LATS2: variants seen among roughly 807,000 people sequenced by gnomAD.
The protein encoded by LATS2 is serine/threonine-protein kinase LATS2.
In LATS2, 24 loss-of-function variants were observed where a neutral mutation model predicts 76.0. The observed-to-expected ratio is 0.32, with a 90% CI of 0.23 to 0.44. The LOEUF (loss-of-function observed/expected upper bound fraction) is 0.44, where lower values mean the gene tolerates loss of function less well. Among genes scored for constraint, LATS2 ranks in the 20% least tolerant of loss-of-function variants. The pLI, the probability that LATS2 is intolerant of heterozygous loss-of-function variation, is 1.00. For synonymous variants in LATS2, 692 were observed against 635.4 expected, an observed-to-expected ratio of 1.09 and a Z score of -1.34; for missense variants, 1,286 against 1,481.2, an observed-to-expected ratio of 0.87 and a Z score of 2.16.
In LATS2 at chr13:20,988,377, G is replaced by A; in HGVS notation, c.1403C>T (p.Ala468Val). 7.3e-7 allele frequency: 1 copy of A among 1,365,784 alleles called. No individual in the cohort carries two copies. Among genetic ancestry groups the A allele is most frequent in the Non-Finnish European group, 9.4e-7 (1 of 1,068,318 alleles). The allele number at this position is 1,365,784 out of a possible 1,614,324, so 84.6% of individuals were successfully genotyped here. A position where few individuals can be genotyped will look rare whatever the true frequency, so the allele number is the denominator to read the frequency against. The change falls in exon 4 of 8, where the codon GCG becomes GTG. Residue 468 changes from alanine to valine, a missense_variant. By Grantham distance (64) the Ala-to-Val change is moderately conservative (BLOSUM62 0). Coordinates refer to ENST00000382592, the MANE Select transcript of LATS2 (RefSeq NM_014572.3). ...VGPSHPAWVP[A>V]PAPAPAPAPA... ...GGCGGGGGCGGGGGCCGGGGCAGGC[G>A]CGGGCACCCAGGCGGGGTGCGAGGG...
In LATS2 at chr13:20,988,503, A is replaced by G; in HGVS notation, c.1277T>C (p.Leu426Pro). Residue 426 changes from leucine (L) to proline (P), a missense_variant, in exon 4 of 8, where the codon CTG (leucine) becomes CCG (proline). This residue lies in a region of LATS2 where 710 missense variants were observed against 660.9 expected (regional missense o/e 1.07). Coordinates refer to ENST00000382592, the MANE Select transcript of LATS2 (RefSeq NM_014572.3). ...AGCCGTCACGGTGTTGGGGGCGGGCAGGGAGGGCTCGGCCTTGCCAGGCGG... is the reference window on the plus strand; with the variant it reads ...AGCCGTCACGGTGTTGGGGGCGGGCGGGGAGGGCTCGGCCTTGCCAGGCGG... ...PGPPGKAEPS[L>P]PAPNTVTAVT... The G allele has an allele frequency of 9.7e-7, 1 of 1,033,206 alleles. No individual in the cohort carries two copies. The highest frequency in any genetic ancestry group is 1.4e-6 in the Non-Finnish European group (1 of 717,124). The allele number at this position is 1,033,206 out of a possible 1,614,324, so 64.0% of individuals were successfully genotyped here.
In LATS2 at chr13:20,991,323, G is replaced by A. The variant is rs756133873; in HGVS notation, c.424C>T (p.Leu142=). 1.9e-6 allele frequency: 3 copies of A among 1,614,164 alleles called. No individual in the cohort carries two copies. Among genetic ancestry groups the A allele is most frequent in the Non-Finnish European group, 2.5e-6 (3 of 1,180,030 alleles). The change falls in exon 3 of 8, where the codon CTG becomes TTG. Residue 142 remains leucine (L), a synonymous_variant. Coordinates refer to ENST00000382592, the MANE Select transcript of LATS2 (RefSeq NM_014572.3). This position sits in a 1 kb window ranked among gnomAD's most constrained non-coding sequence, Gnocchi z 4.9. ...ACAATCTGCTCATTCCTCGGGTCCA[G>A]GTAGCCCATCTTGCTGATGTACTCC... ...ALEYISKMGY[L]DPRNEQIVRV... is the part of the protein sequence containing the mutation.
chr13:21,022,031 G>A (rs1019073875), intron 2 of LATS2, among the ~76,000 whole-genome samples: 1 of 152,176 alleles, frequency 6.6e-6, no homozygotes, highest in Non-Finnish European at 1.5e-5. Flanking sequence ...GGCCCTGGGT[G>A]AAATAGAAAG....
At chr13:21,019,315 T>A (rs933482785) in intron 2 of LATS2, among the ~76,000 whole-genome samples, 1 of 146,842 alleles carries the variant, frequency 6.8e-6, no homozygotes, top group Non-Finnish European at 1.5e-5. Context: ...TTATTATTAT[T>A]ATTATTATTA....
intron 2 of LATS2, among the ~76,000 whole-genome samples, chr13:21,009,991 G>A (rs1329478381): frequency 6.6e-6 from 1 of 152,160 alleles, no homozygotes; most frequent in Non-Finnish European, 1.5e-5. Context: ...CCTGAGGTCA[G>A]GTGTTCGAGA....
intron 2 of LATS2, among the ~76,000 whole-genome samples, chr13:21,030,409 G>C (rs1256256131): frequency 6.6e-6 from 1 of 151,854 alleles, no homozygotes; most frequent in Non-Finnish European, 1.5e-5. Flanking sequence ...CCAACACGGT[G>C]AAACCCCGTC....
At chr13:21,059,166 T>G (rs190672516) in intron 1 of LATS2, among the ~76,000 whole-genome samples, 1 of 152,362 alleles carries the variant, frequency 6.6e-6, no homozygotes, top group East Asian at 1.9e-4. Context: ...GGGCAAACTT[T>G]CCTTTAAAAA....
chr13:21,042,024 C>T (rs1235482974), intron 2 of LATS2, among the ~76,000 whole-genome samples: 1 of 152,106 alleles, frequency 6.6e-6, no homozygotes, highest in African/African-American at 2.4e-5. Context: ...TCACTTATGC[C>T]AATAACTATC....
Position 20,987,938 on chromosome 13 carries a change from G to A in LATS2, c.1842C>T (p.Ile614=). The change falls in exon 4 of 8, where the codon ATC becomes ATT. Residue 614 remains isoleucine (I), a synonymous_variant. Coordinates refer to ENST00000382592, the MANE Select transcript of LATS2 (RefSeq NM_014572.3). ...FFMEQHVENV[I]KTYQQKVNRR... The stretch of plus-strand genomic sequence containing the variant: ...GGTTAACCTTCTGCTGGTAGGTTTT[G>A]ATGACATTCTCCACGTGCTGCTCCA... The A allele has an allele frequency of 6.2e-7, 1 of 1,614,234 alleles. No individual in the cohort carries two copies. Among genetic ancestry groups the A allele is most frequent in the Non-Finnish European group, 8.5e-7 (1 of 1,180,030 alleles).
chr13:21,040,376 C>CAAAAAAAAAAAAAAAAAAAAAAAAAA (rs141897751), intron 2 of LATS2, among the ~76,000 whole-genome samples: 1 of 108,768 alleles, frequency 9.2e-6, no homozygotes, highest in African/African-American at 3.6e-5. Flanking sequence ...GACCTTGTCT[C>CAAAAAAAAAAAAAAAAAAAAAAAAAA]AAAAAAAAAA....
At chr13:21,016,295 T>C (rs1424517489) in intron 2 of LATS2, among the ~76,000 whole-genome samples, 1 of 149,812 alleles carries the variant, frequency 6.7e-6, no homozygotes, top group Admixed American at 6.7e-5. Context: ...CCTATTTTTA[T>C]TTTTTTTGAG....
intron 2 of LATS2, among the ~76,000 whole-genome samples, chr13:21,037,312 G>A (rs1872713792): frequency 6.6e-6 from 1 of 152,182 alleles, no homozygotes; most frequent in Non-Finnish European, 1.5e-5. Context: ...GCTGACGGGG[G>A]AGAATCGCTT....
chr13:21,028,329 T>C (rs1026736802), intron 2 of LATS2, among the ~76,000 whole-genome samples: 2 of 152,256 alleles, frequency 1.3e-5, no homozygotes, highest in African/African-American at 4.8e-5. Flanking sequence ...CAGTCTATCA[T>C]TGTTGGACAT....
rs1188211802 is a variant in LATS2 at position 20,973,799 on chromosome 13, A to T, written c.*1071T>A. 1 of 230,012 alleles carries T rather than the reference A, an allele frequency of 4.3e-6. No individual in the cohort carries two copies. Among genetic ancestry groups the T allele is most frequent in the East Asian group, 6.2e-5 (1 of 16,062 alleles). The allele number at this position is 230,012 out of a possible 1,614,324, so 14.2% of individuals were successfully genotyped here. ...CTTTCAGTGTGGGCAGTCTGTCAGTAAAAAGGTAAGTAGTAGGGTCAGAGG... is the reference window on the plus strand; with the variant it reads ...CTTTCAGTGTGGGCAGTCTGTCAGTTAAAAGGTAAGTAGTAGGGTCAGAGG... On this transcript the variant is annotated 3_prime_UTR_variant, in exon 8 of 8. Transcript: ENST00000382592.
At chr13:21,032,965 G>A (rs555456321) in intron 2 of LATS2, among the ~76,000 whole-genome samples, 9 of 152,210 alleles carry the variant, frequency 5.9e-5, no homozygotes, top group South Asian at 2.1e-4. Flanking sequence ...AGGCTGGGCC[G>A]GTACAAGAAA....
At chr13:21,049,526 C>G (rs1426259830) in intron 1 of LATS2, among the ~76,000 whole-genome samples, 1 of 152,178 alleles carries the variant, frequency 6.6e-6, no homozygotes. Flanking sequence ...GGCTGAGGCC[C>G]TCCCGGCTCA....
intron 1 of LATS2, among the ~76,000 whole-genome samples, chr13:21,052,997 G>T (rs1873328889): frequency 6.6e-6 from 1 of 152,050 alleles, no homozygotes; most frequent in Non-Finnish European, 1.5e-5. Context: ...AGCACTTTGG[G>T]AGGCTGAGGC....
intron 2 of LATS2, among the ~76,000 whole-genome samples, chr13:21,034,638 T>C (rs1331496798): frequency 6.6e-6 from 1 of 152,112 alleles, no homozygotes; most frequent in Non-Finnish European, 1.5e-5. Context: ...GCATCCTTCT[T>C]ACTCTGCCTC....
At chr13:21,003,930 T>A (rs983940665) in intron 2 of LATS2, among the ~76,000 whole-genome samples, 1 of 152,166 alleles carries the variant, frequency 6.6e-6, no homozygotes, top group Non-Finnish European at 1.5e-5. Flanking sequence ...AAATAATTGG[T>A]TGGGTTAATA....
Sources: allele counts gnomAD v4.1 joint callset (sites outside exome capture counted in the v4.1 genomes callset), GRCh38; gene constraint gnomAD v4.1.1; regional missense constraint gnomAD v4.1.1; non-coding constraint Gnocchi (gnomAD v3.1); transcripts MANE v1.5; gene names NCBI Gene and HGNC (gene_info 2026-07-23, HGNC 2026-07-21).